SH3RF3: variants seen among roughly 807,000 people sequenced by gnomAD.
The protein encoded by SH3RF3 is E3 ubiquitin-protein ligase SH3RF3.
SH3RF3 carries 29 observed loss-of-function variants against 66.3 expected under a neutral mutation model. The ratio of observed to expected loss-of-function variants is 0.44; its 90% CI spans 0.33 to 0.60. SH3RF3 has a LOEUF of 0.60. Among genes scored for constraint, SH3RF3 ranks in the 20% least tolerant of loss-of-function variants. The probability of loss-of-function intolerance (pLI) is 0.04; values close to 1 mark genes in which losing one functional copy is unlikely to be tolerated. For missense variants in SH3RF3, 1,194 were observed against 1,190.9 expected (o/e 1.00, Z -0.04); for synonymous variants, 583 against 532.0 (o/e 1.10, Z -1.32).
At chr2:109,145,468 C>T (rs549682487) in intron 1 of SH3RF3, among the ~76,000 whole-genome samples, 2 of 152,260 alleles carry the variant, frequency 1.3e-5, no homozygotes, top group East Asian at 1.9e-4. Flanking sequence ...TCTGTCTGTC[C>T]GTGAGGGAAT....
rs1047085539 is a variant in SH3RF3, at chr2:109,394,281, G to A, written c.946-4309G>A. On this transcript the variant is annotated intron_variant, in intron 3 of 9. Coordinates refer to ENST00000309415, the MANE Select transcript of SH3RF3 (RefSeq NM_001099289.3). ...TTGCTGAGCCAGCAGGCAGCCACTCGAGGTCACAGAGACCATAGGGTGGTA... is the reference window on the plus strand; with the variant it reads ...TTGCTGAGCCAGCAGGCAGCCACTCAAGGTCACAGAGACCATAGGGTGGTA... Among the ~76,000 whole-genome samples, 7 of 152,344 alleles carry A rather than the reference G, an allele frequency of 4.6e-5. No individual in the cohort carries two copies. In the East Asian group the frequency reaches 5.8e-4, roughly 13 times the overall value.
intron 8 of SH3RF3, among the ~76,000 whole-genome samples, chr2:109,472,723 G>A (rs1440199668): frequency 6.6e-6 from 1 of 152,208 alleles, no homozygotes; most frequent in African/African-American, 2.4e-5. Context: ...ATTTTACAGA[G>A]ATTTCATCTG....
In SH3RF3 at chr2:109,130,087, A is replaced by G; in HGVS notation, c.547A>G (p.Thr183Ala). 7.4e-7 allele frequency: 1 copy of G among 1,355,832 alleles called. No individual in the cohort carries two copies. Among genetic ancestry groups the G allele is most frequent in the Non-Finnish European group, 9.5e-7 (1 of 1,056,026 alleles). 84.0% of individuals were successfully genotyped at this position (1,355,832 alleles called of 1,614,324 possible). A position where few individuals can be genotyped will look rare whatever the true frequency, so the allele number is the denominator to read the frequency against. Reference protein sequence around the residue: ...STAGSLRELATSRTAPAAKNP... With the variant: ...STAGSLRELAASRTAPAAKNP... Reference sequence around the variant, plus strand: ...CGCCGGCAGTCTGCGGGAGCTGGCGACCAGCAGGACCGCGCCGGCGGCAAA... The same window carrying G: ...CGCCGGCAGTCTGCGGGAGCTGGCGGCCAGCAGGACCGCGCCGGCGGCAAA... The change falls in exon 1 of 10, where the codon ACC (threonine) becomes GCC (alanine). Residue 183 changes from threonine (T) to alanine (A), a missense_variant. Physicochemically the swap from Thr to Ala is moderately conservative, Grantham distance 58. Transcript: ENST00000309415.
chr2:109,245,868 C>G (rs1283735810), intron 1 of SH3RF3, among the ~76,000 whole-genome samples: 4 of 152,168 alleles, frequency 2.6e-5, no homozygotes, highest in Non-Finnish European at 5.9e-5. Flanking sequence ...GTACTTAACA[C>G]TTGAAATCTA....
At chr2:109,371,427 T>C (rs1683268253) in intron 2 of SH3RF3, among the ~76,000 whole-genome samples, 159 bp from the exon 3 acceptor site, 1 of 152,222 alleles carries the variant, frequency 6.6e-6, no homozygotes, top group Non-Finnish European at 1.5e-5. Flanking sequence ...AGGGTGCTCC[T>C]GGGTGAAGAT....
At chr2:109,307,442 C>A (rs1453120748) in intron 1 of SH3RF3, among the ~76,000 whole-genome samples, 31 of 144,586 alleles carry the variant, frequency 2.1e-4, no homozygotes, top group Admixed American at 4.2e-4. Context: ...TATTATTATA[C>A]TTTAAGTTTT....
intron 1 of SH3RF3, among the ~76,000 whole-genome samples, chr2:109,300,718 T>C (rs996419786): frequency 6.6e-6 from 1 of 152,190 alleles, no homozygotes; most frequent in East Asian, 1.9e-4. Context: ...AACATCAGAC[T>C]GAGCACACTC....
At chr2:109,400,804 C>T (rs1676295240) in intron 4 of SH3RF3, among the ~76,000 whole-genome samples, 1 of 152,236 alleles carries the variant, frequency 6.6e-6, no homozygotes, top group Admixed American at 6.5e-5. Context: ...AGTCATCTGC[C>T]CCCATGGTTA....
chr2:109,433,149 G>A (rs573724072), intron 6 of SH3RF3, among the ~76,000 whole-genome samples: 1 of 152,220 alleles, frequency 6.6e-6, no homozygotes, highest in Admixed American at 6.5e-5. Flanking sequence ...AGGTGTGTGC[G>A]TGTGTGCATA....
chr2:109,258,718 G>C (rs999103081), intron 1 of SH3RF3, among the ~76,000 whole-genome samples: 2 of 152,234 alleles, frequency 1.3e-5, no homozygotes, highest in Non-Finnish European at 2.9e-5. Flanking sequence ...GAAAGTTCTG[G>C]TTTGTTATTC....
chr2:109,196,788 G>A lies in SH3RF3; in HGVS notation c.573+66675G>A, dbSNP rs75797131. Among the ~76,000 whole-genome samples the A allele has an allele frequency of 7.9e-3, 1,203 of 152,290 alleles. 11 individuals are homozygous for A. The highest frequency in any genetic ancestry group is 0.036 in the East Asian group (185 of 5,172). On this transcript the variant is annotated intron_variant, in intron 1 of 9. Transcript: ENST00000309415. ...TACTTGTGGCCAAATGAGATCAGGC[G>A]CCAATAGCATACGGTCTGACTGCTG... is the stretch of plus-strand genomic sequence containing the variant.
intron 8 of SH3RF3, among the ~76,000 whole-genome samples, chr2:109,455,276 T>A (rs1200970071): frequency 6.6e-6 from 1 of 152,124 alleles, no homozygotes; most frequent in South Asian, 2.1e-4. Flanking sequence ...GAAAGGGCCC[T>A]AGGTGTCTGC....
intron 1 of SH3RF3, among the ~76,000 whole-genome samples, chr2:109,262,693 T>C (rs1430750978): frequency 1.3e-5 from 2 of 152,262 alleles, no homozygotes; most frequent in Non-Finnish European, 2.9e-5. Flanking sequence ...CAAGTTATTA[T>C]CAGGAGATAA....
intron 1 of SH3RF3, among the ~76,000 whole-genome samples, chr2:109,170,244 T>C (rs6704977): frequency 0.11 from 3,562 of 32,614 alleles, 328 homozygotes; most frequent in South Asian, 0.18. Context: ...CTTCTTTTCT[T>C]TTCTCTTCTC....
intron 1 of SH3RF3, among the ~76,000 whole-genome samples, chr2:109,215,697 C>T (rs1179485152): frequency 1.3e-5 from 2 of 152,264 alleles, no homozygotes; most frequent in Non-Finnish European, 2.9e-5. Flanking sequence ...AATCCTACAC[C>T]CAGACCGTGT....
At chr2:109,452,648 G>A (rs945081002) in intron 8 of SH3RF3, among the ~76,000 whole-genome samples, 6 of 152,208 alleles carry the variant, frequency 3.9e-5, no homozygotes, top group African/African-American at 1.4e-4. Flanking sequence ...GGAGAAGGAA[G>A]AAGCCCCAAA....
intron 1 of SH3RF3, among the ~76,000 whole-genome samples, chr2:109,260,805 T>G (rs1680335770): frequency 6.6e-6 from 1 of 152,096 alleles, no homozygotes; most frequent in Admixed American, 6.5e-5. Flanking sequence ...AGTTCCTAAG[T>G]GCATGGTTTC....
Position 109,387,597 on chromosome 2 carries a change from G to A in SH3RF3, c.946-10993G>A, listed in dbSNP as rs1675859413. ...ATCTCCTCAAGGTCTTGGCTCACAG[G>A]TCAGTTTCCCTGTGAAGCCCATCTG... On this transcript the variant is annotated intron_variant, in intron 3 of 9. Coordinates refer to ENST00000309415, the MANE Select transcript of SH3RF3 (RefSeq NM_001099289.3). Among the ~76,000 whole-genome samples, 5 of 152,266 alleles carry A rather than the reference G, an allele frequency of 3.3e-5. No homozygotes were observed. The South Asian group carries it at 1.0e-3, about 32-fold the overall frequency.
At chr2:109,473,412 T>C (rs1678579751) in intron 8 of SH3RF3, among the ~76,000 whole-genome samples, 2 of 151,988 alleles carry the variant, frequency 1.3e-5, no homozygotes, top group Admixed American at 1.3e-4. Flanking sequence ...TGGCACCAAA[T>C]TGGGACAAAT....
Sources: gnomAD v4.1 joint callset for allele counts (sites outside exome capture counted in the v4.1 genomes callset) on GRCh38, gnomAD v4.1.1 for gene constraint, MANE v1.5 for transcripts, NCBI Gene and HGNC (gene_info 2026-07-23, HGNC 2026-07-21) for gene names.